GLI3: variants seen among roughly 807,000 people sequenced by gnomAD.
GLI3 encodes the protein GLI family zinc finger 3, also known as transcription activator GLI3.
A neutral mutation model predicts 100.8 loss-of-function variants in GLI3; 20 were observed. The observed-to-expected ratio is 0.20, with a 90% confidence interval of 0.14 to 0.29. GLI3 has a LOEUF of 0.29. Among genes scored for constraint, GLI3 ranks in the 10% least tolerant of loss-of-function variants. The probability of loss-of-function intolerance (pLI) is 1.00; values close to 1 mark genes in which losing one functional copy is unlikely to be tolerated. For missense variants in GLI3, 2,040 were observed against 2,128.5 expected, an observed-to-expected ratio of 0.96 and a Z score of 0.82; for synonymous variants, 938 against 860.5, an observed-to-expected ratio of 1.09 and a Z score of -1.58.
At chr7:42,139,156 T>G (rs547902519) in intron 3 of GLI3, among the ~76,000 whole-genome samples, 1 of 152,096 alleles carries the variant, frequency 6.6e-6, no homozygotes, top group Non-Finnish European at 1.5e-5. Context: ...AGTTTTCCAA[T>G]AAAATAAAAC....
chr7:42,083,972 A>G (rs945052657), intron 3 of GLI3, among the ~76,000 whole-genome samples: 34 of 152,244 alleles, frequency 2.2e-4, no homozygotes, highest in African/African-American at 6.5e-4. Context: ...AAATTTACAT[A>G]AAATGCTAAT....
At chr7:42,003,820 A>G (rs1223664832) in intron 10 of GLI3, among the ~76,000 whole-genome samples, 1 of 152,222 alleles carries the variant, frequency 6.6e-6, no homozygotes, top group Non-Finnish European at 1.5e-5. Context: ...TATGACGTAG[A>G]ATATATATTT....
At chr7:42,219,850 ACT>A (rs1396542389) in intron 2 of GLI3, among the ~76,000 whole-genome samples, 4 of 147,208 alleles carry the variant, frequency 2.7e-5, no homozygotes, top group Non-Finnish European at 4.5e-5. Context: ...TTGAAACTGA[ACT>A]CTTTTTTTTT....
At chr7:42,005,293 A>C (rs1046806378) in intron 10 of GLI3, among the ~76,000 whole-genome samples, 1 of 152,042 alleles carries the variant, frequency 6.6e-6, no homozygotes, top group African/African-American at 2.4e-5. Context: ...CCCCTTATTG[A>C]ATGCTTTGGT....
At chr7:42,057,629 G>A (rs952431628) in intron 4 of GLI3, among the ~76,000 whole-genome samples, 18 of 152,238 alleles carry the variant, frequency 1.2e-4, no homozygotes, top group Admixed American at 5.9e-4. Context: ...AAACAGCTAT[G>A]AAAATGAACA....
chr7:42,261,013 A>G (rs912194374), intron 1 of GLI3, among the ~76,000 whole-genome samples: 1 of 152,198 alleles, frequency 6.6e-6, no homozygotes, highest in African/African-American at 2.4e-5. Context: ...ATAAAGAAAT[A>G]CCTAAGACTG....
At position 41,977,696 on chromosome 7, in the gene GLI3, C is replaced by T. The variant is rs758426137; in HGVS notation, c.1674G>A (p.Ser558=). The part of the protein sequence containing the change: ...CTFEGCTKAY[S]RLENLKTHLR... Reference sequence around the variant, plus strand: ...AGTGTGTTTTCAAGTTTTCTAGTCTCGAGTAGGCCTTTGTGCAACCTTCAA... The same window carrying T: ...AGTGTGTTTTCAAGTTTTCTAGTCTTGAGTAGGCCTTTGTGCAACCTTCAA... The change falls in exon 12 of 15, where the codon TCG becomes TCA. Residue 558 remains serine, a synonymous_variant. Transcript: ENST00000395925. 3.7e-6 allele frequency: 6 copies of T among 1,613,986 alleles called. No individual in the cohort carries two copies. Among genetic ancestry groups the T allele is most frequent in the Admixed American group, 3.3e-5 (2 of 60,004 alleles).
At chr7:42,207,916 G>T (rs1183771017) in intron 2 of GLI3, among the ~76,000 whole-genome samples, 1 of 152,194 alleles carries the variant, frequency 6.6e-6, no homozygotes, top group Non-Finnish European at 1.5e-5. Flanking sequence ...ACAGCACTTT[G>T]AGAGGCCAAG....
At chr7:42,147,863 T>G (rs1255973799) in intron 3 of GLI3, among the ~76,000 whole-genome samples, 1 of 152,176 alleles carries the variant, frequency 6.6e-6, no homozygotes, top group Non-Finnish European at 1.5e-5. Context: ...TGCAGCCTGC[T>G]TTCATAACTT....
intron 2 of GLI3, among the ~76,000 whole-genome samples, chr7:42,203,747 C>A (rs1026253101): frequency 6.6e-6 from 1 of 152,048 alleles, no homozygotes; most frequent in African/African-American, 2.4e-5. Context: ...GCCTGTAATC[C>A]CAGCAGTTTG....
chr7:42,060,665 C>G (rs1227226769), intron 4 of GLI3, among the ~76,000 whole-genome samples: 2 of 152,014 alleles, frequency 1.3e-5, no homozygotes, highest in Non-Finnish European at 2.9e-5. Flanking sequence ...AAACAATACT[C>G]AAATAGGCAA....
chr7:42,013,873 C>T (rs1788687229), intron 10 of GLI3, among the ~76,000 whole-genome samples: 1 of 152,072 alleles, frequency 6.6e-6, no homozygotes, highest in African/African-American at 2.4e-5. Context: ...TGGTAAAGAG[C>T]CTGATGCCAC....
intron 3 of GLI3, among the ~76,000 whole-genome samples, chr7:42,136,727 C>T (rs1786436658): frequency 6.6e-6 from 1 of 152,342 alleles, no homozygotes; most frequent in African/African-American, 2.4e-5. Context: ...CTCTCTGACA[C>T]TGGGATGCAT....
intron 1 of GLI3, among the ~76,000 whole-genome samples, chr7:42,256,437 C>T (rs1188521800): frequency 6.6e-6 from 1 of 152,156 alleles, no homozygotes; most frequent in Admixed American, 6.5e-5. Flanking sequence ...AGTTTATAAT[C>T]AATTTTGAGT....
intron 7 of GLI3, among the ~76,000 whole-genome samples, chr7:42,027,969 G>A (rs187932476): frequency 1.2e-4 from 19 of 152,258 alleles, no homozygotes; most frequent in African/African-American, 4.6e-4. Flanking sequence ...ATGATTGATA[G>A]GGCATTAATC....
chr7:41,966,647 GA>G lies in GLI3; in HGVS notation c.2432-7del, dbSNP rs1787193211. On this transcript the variant is annotated splice_polypyrimidine_tract_variant and splice_region_variant and intron_variant, in intron 14 of 14. Coordinates refer to ENST00000395925, the MANE Select transcript of GLI3 (RefSeq NM_000168.6). This position sits in a 1 kb window ranked among gnomAD's most constrained non-coding sequence, Gnocchi z 5.8. Reference sequence around the variant, plus strand: ...GGTGTTGTTGGACTGTGTGCCTGGAGACAGAGAAAGGGAGAGACCATGCGGA... The same window carrying G: ...GGTGTTGTTGGACTGTGTGCCTGGAGCAGAGAAAGGGAGAGACCATGCGGA... 1 of 1,613,846 alleles carries G rather than the reference GA, an allele frequency of 6.2e-7. No individual in the cohort carries two copies. The highest frequency in any genetic ancestry group is 1.7e-5 in the Admixed American group (1 of 60,012).
chr7:42,201,567 T>C (rs1416198332), intron 2 of GLI3, among the ~76,000 whole-genome samples: 1 of 152,208 alleles, frequency 6.6e-6, no homozygotes, highest in Non-Finnish European at 1.5e-5. Flanking sequence ...GAACACATTC[T>C]GGGAAATGTG....
chr7:42,236,436 C>T (rs1296828102), intron 1 of GLI3, among the ~76,000 whole-genome samples: 1 of 152,228 alleles, frequency 6.6e-6, no homozygotes, highest in Non-Finnish European at 1.5e-5. Flanking sequence ...CATCCGCTCA[C>T]ACCACACCCC....
At chr7:42,092,521 C>T (rs926460141) in intron 3 of GLI3, among the ~76,000 whole-genome samples, 3 of 152,148 alleles carry the variant, frequency 2.0e-5, no homozygotes, top group African/African-American at 4.8e-5. Flanking sequence ...ACTGTGGGGG[C>T]TGACCATGAG....
Sources: gnomAD v4.1 joint callset for allele counts (sites outside exome capture counted in the v4.1 genomes callset) on GRCh38, gnomAD v4.1.1 for gene constraint, Gnocchi (gnomAD v3.1) non-coding constraint, MANE v1.5 for transcripts, NCBI Gene and HGNC (gene_info 2026-07-23, HGNC 2026-07-21) for gene names.